The following ITPKC variants were observed in gnomAD, a reference collection of about 807,000 sequenced individuals.
ITPKC encodes IP3 3-kinase C.
In ITPKC, 33 loss-of-function variants were observed where a neutral mutation model predicts 67.1. The ratio of observed to expected loss-of-function variants is 0.49; its 90% CI spans 0.37 to 0.66. The LOEUF (loss-of-function observed/expected upper bound fraction) is 0.66. Ranked by LOEUF, ITPKC falls within the 30% of genes least tolerant of loss-of-function variation. ITPKC has a pLI of 0.00. For missense variants in ITPKC, 820 were observed against 892.1 expected, an observed-to-expected ratio of 0.92 and a Z score of 1.03; for synonymous variants, 341 against 359.8, an observed-to-expected ratio of 0.95 and a Z score of 0.59.
Position 40,717,955 on chromosome 19 carries a change from G to A in ITPKC, c.820G>A (p.Asp274Asn). 6.2e-7 allele frequency: 1 copy of A among 1,614,182 alleles called. No individual in the cohort carries two copies. The highest frequency in any genetic ancestry group is 8.5e-7 in the Non-Finnish European group (1 of 1,180,028). ...TGGTTTCCAAATACAACAGGATACT[G>A]ATGGCTCCTGGACACAACCTAGCAC... ...TGGFQIQQDT[D>N]GSWTQPSTDG... Residue 274 changes from aspartate (D) to asparagine (N), a missense_variant, in exon 1 of 7, where the codon GAT becomes AAT. This residue lies in a region of ITPKC where 481 missense variants were observed against 470.1 expected (regional missense o/e 1.02). Transcript: ENST00000263370.
chr19:40,732,963 C>T lies in ITPKC; in HGVS notation c.1470-197C>T, dbSNP rs563806340. Among the ~76,000 whole-genome samples the T allele has an allele frequency of 8.0e-4, 122 of 152,314 alleles. 1 individual carries two copies. Among genetic ancestry groups the T allele is most frequent in the Non-Finnish European group, 1.5e-3 (104 of 68,030 alleles). ...CCAGCACTGTTTATTGAAAAGACTTCCCTTTCCCCACTGAATTGCAGTGCC... is the reference window on the plus strand; with the variant it reads ...CCAGCACTGTTTATTGAAAAGACTTTCCTTTCCCCACTGAATTGCAGTGCC... On this transcript the variant is annotated intron_variant, in intron 3 of 6. Transcript: ENST00000263370.
intron 3 of ITPKC, among the ~76,000 whole-genome samples, chr19:40,732,491 A>G (rs1031070962): frequency 2.1e-4 from 30 of 140,840 alleles, no homozygotes; most frequent in African/African-American, 7.7e-4. Flanking sequence ...GATCACCACC[A>G]TTCCATTGCA....
rs114932523 is a variant in ITPKC at position 40,725,579 on chromosome 19, A to G, written c.1255+140A>G. 3.9e-3 allele frequency: 2,648 copies of G among 674,722 alleles called. 61 individuals carry two copies. The African/African-American group carries it at 0.042, about 11-fold the overall frequency. The allele number at this position is 674,722 out of a possible 1,614,324, so 41.8% of individuals were successfully genotyped here. On this transcript the variant is annotated intron_variant, in intron 2 of 6. Transcript: ENST00000263370. ...TATGGGACTGTTATGGGCAGTGCTT[A>G]GGCCTGGGCCTGGCCCTTCGTATGT...
At chr19:40,728,330 A>G (rs2082255622) in intron 2 of ITPKC, among the ~76,000 whole-genome samples, 1 of 152,034 alleles carries the variant, frequency 6.6e-6, no homozygotes, top group South Asian at 2.1e-4. Flanking sequence ...GGCTGCAGTG[A>G]GCTATGATTA....
Position 40,735,119 on chromosome 19 carries a change from A to C in ITPKC, c.1674+1755A>C, listed in dbSNP as rs557290659. Among the ~76,000 whole-genome samples, 53 of 152,072 alleles carry C rather than the reference A, an allele frequency of 3.5e-4. No individual in the cohort carries two copies. The East Asian group carries it at 0.01, about 29-fold the overall frequency. ...TTTTTAAGAGAGGCGGGGTTTCACTATGTTGACCAGGCTGATCTTGAACTC... is the reference window on the plus strand; with the variant it reads ...TTTTTAAGAGAGGCGGGGTTTCACTCTGTTGACCAGGCTGATCTTGAACTC... On this transcript the variant is annotated intron_variant, in intron 4 of 6. Coordinates refer to ENST00000263370, the MANE Select transcript of ITPKC (RefSeq NM_025194.3).
intron 1 of ITPKC, among the ~76,000 whole-genome samples, chr19:40,718,711 T>A (rs2082206082): frequency 6.6e-6 from 1 of 152,144 alleles, no homozygotes; most frequent in South Asian, 2.1e-4. Context: ...TACCCCACAT[T>A]TCTTAATCTG....
chr19:40,727,702 C>A (rs2082252587), intron 2 of ITPKC, among the ~76,000 whole-genome samples: 1 of 152,216 alleles, frequency 6.6e-6, no homozygotes. Flanking sequence ...ACTCAGATTT[C>A]TAACAAGACA....
At chr19:40,732,237 C>T (rs2082274138) in intron 3 of ITPKC, among the ~76,000 whole-genome samples, 1 of 110,016 alleles carries the variant, frequency 9.1e-6, no homozygotes, top group South Asian at 3.1e-4. Flanking sequence ...AAGACTCCAT[C>T]TCAAAAAAAA....
At chr19:40,723,557 C>T (rs146920675) in intron 1 of ITPKC, among the ~76,000 whole-genome samples, 4 of 151,724 alleles carry the variant, frequency 2.6e-5, no homozygotes, top group Admixed American at 1.3e-4. Context: ...AGTGCAGTGG[C>T]GTGTTCTTGG....
chr19:40,728,531 G>A (rs1660488565), intron 2 of ITPKC, among the ~76,000 whole-genome samples: 1 of 152,128 alleles, frequency 6.6e-6, no homozygotes, highest in Non-Finnish European at 1.5e-5. Context: ...TAGCACCTTG[G>A]GATTCCAGGC....
chr19:40,718,373 A>T (rs2082203566), intron 1 of ITPKC, 83 bp downstream of exon 1: 1 of 1,450,698 alleles, frequency 6.9e-7, no homozygotes, highest in Non-Finnish European at 9.0e-7. Flanking sequence ...TTCTCTACCC[A>T]TTTACTGTTA....
intron 6 of ITPKC, 126 bp downstream of exon 6, chr19:40,737,895 A>G (rs1487991789): frequency 1.4e-6 from 1 of 719,928 alleles, no homozygotes; most frequent in Non-Finnish European, 2.4e-6. Context: ...CCGCACCTGT[A>G]ATACCAGCAC....
intron 4 of ITPKC, among the ~76,000 whole-genome samples, chr19:40,734,298 C>T (rs1282686518): frequency 6.6e-6 from 1 of 152,044 alleles, no homozygotes; most frequent in African/African-American, 2.4e-5. Flanking sequence ...CATTTTTTGC[C>T]ATTAGCAGGC....
chr19:40,718,191 G>A lies in ITPKC; in HGVS notation c.1056G>A (p.Gly352=), dbSNP rs1214077293. The change falls in exon 1 of 7, where the codon GGG becomes GGA. Residue 352 remains glycine, a synonymous_variant. Transcript: ENST00000263370. ...QPVGPPSRVE[G]GSGGFSSASS... The stretch of plus-strand genomic sequence containing the variant: ...TGGGACCCCCCTCCCGGGTTGAGGG[G>A]GGCAGCGGCGGCTTCTCCTCTGCCT... The A allele has an allele frequency of 6.4e-7, 1 of 1,574,486 alleles. No individual in the cohort carries two copies. Among genetic ancestry groups the A allele is most frequent in the Non-Finnish European group, 8.6e-7 (1 of 1,163,520 alleles).
intron 3 of ITPKC, among the ~76,000 whole-genome samples, chr19:40,730,590 C>T (rs1041242516): frequency 6.6e-6 from 1 of 151,986 alleles, no homozygotes; most frequent in South Asian, 2.1e-4. Flanking sequence ...TCCCACCAGG[C>T]TTGGCTATAT....
At position 40,740,502 on chromosome 19, in the gene ITPKC, G is replaced by A; in HGVS notation, c.*942G>A. 1 of 212,100 alleles carries A rather than the reference G, an allele frequency of 4.7e-6. No homozygotes were observed. Among genetic ancestry groups the A allele is most frequent in the Non-Finnish European group, 9.4e-6 (1 of 106,276 alleles). 13.1% of individuals were successfully genotyped at this position (212,100 alleles called of 1,614,324 possible). On this transcript the variant is annotated 3_prime_UTR_variant, in exon 7 of 7. Coordinates refer to ENST00000263370, the MANE Select transcript of ITPKC (RefSeq NM_025194.3). ...CCCTGCAGGGAAAAGCGCTGGGTGTGTGTCAGAGGCGCAGGGTGGGTGGGG... is the reference window on the plus strand; with the variant it reads ...CCCTGCAGGGAAAAGCGCTGGGTGTATGTCAGAGGCGCAGGGTGGGTGGGG...
Position 40,718,186 on chromosome 19 carries a change from G to T in ITPKC, c.1051G>T (p.Glu351Ter). 1 of 1,582,300 alleles carries T rather than the reference G, an allele frequency of 6.3e-7. No homozygotes were observed. ...AQPVGPPSRVEGGSGGFSSAS... is the reference protein window; with the variant it reads ...AQPVGPPSRV ...GCCAGTGGGACCCCCCTCCCGGGTT[G>T]AGGGGGGCAGCGGCGGCTTCTCCTC... The change falls in exon 1 of 7, where the codon GAG becomes TAG. Residue 351 changes from glutamate (E) to a stop codon, truncating the protein, a stop_gained. Coordinates refer to ENST00000263370, the MANE Select transcript of ITPKC (RefSeq NM_025194.3). LOFTEE classifies it high-confidence loss of function.
At chr19:40,722,905 T>G (rs1468166679) in intron 1 of ITPKC, among the ~76,000 whole-genome samples, 2 of 152,106 alleles carry the variant, frequency 1.3e-5, no homozygotes, top group African/African-American at 2.4e-5. Context: ...GCCTCCTGAG[T>G]AGCTGGGACT....
chr19:40,723,500 G>GT (rs11286390), intron 1 of ITPKC, among the ~76,000 whole-genome samples: 4,387 of 147,588 alleles, frequency 0.03, 82 homozygotes, highest in Non-Finnish European at 0.039. Flanking sequence ...TATTTGTTTT[G>GT]TTTTTTTTTT....
Sources: gnomAD v4.1 joint callset for allele counts (sites outside exome capture counted in the v4.1 genomes callset) on GRCh38, gnomAD v4.1.1 for gene constraint, gnomAD v4.1.1 regional missense constraint, MANE v1.5 for transcripts, NCBI Gene and HGNC (gene_info 2026-07-23, HGNC 2026-07-21) for gene names.